DENND1A: variants seen among roughly 807,000 people sequenced by gnomAD.
The protein encoded by DENND1A is DENN domain-containing protein 1A.
DENND1A carries 51 observed loss-of-function variants against 113.7 expected under a neutral mutation model. The ratio of observed to expected loss-of-function variants is 0.45; its 90% CI spans 0.36 to 0.57. The LOEUF is 0.57. Ranked by LOEUF, DENND1A falls within the 20% of genes least tolerant of loss-of-function variation. DENND1A has a pLI of 0.00. For missense variants in DENND1A, 1,258 were observed against 1,395.9 expected (o/e 0.90, Z 1.57); for synonymous variants, 565 against 570.8 (o/e 0.99, Z 0.14).
At chr9:123,416,960 T>C (rs2044777900) in intron 19 of DENND1A, among the ~76,000 whole-genome samples, 1 of 152,234 alleles carries the variant, frequency 6.6e-6, no homozygotes, top group East Asian at 1.9e-4. Flanking sequence ...GAAAGAAATA[T>C]TGGTGGGGTA....
At chr9:123,549,092 T>C (rs74908226) in intron 13 of DENND1A, among the ~76,000 whole-genome samples, 1 of 152,216 alleles carries the variant, frequency 6.6e-6, no homozygotes, top group African/African-American at 2.4e-5. Context: ...ACATTTTTTT[T>C]CCTTAAAGCA....
chr9:123,702,799 G>A (rs1366933695), intron 5 of DENND1A, among the ~76,000 whole-genome samples: 2 of 152,132 alleles, frequency 1.3e-5, no homozygotes, highest in African/African-American at 2.4e-5. Flanking sequence ...TGTCTTACAA[G>A]CAGTGCCAAA....
chr9:123,623,300 T>C lies in DENND1A; in HGVS notation c.719+7076A>G, dbSNP rs539475597. 1.4e-4 allele frequency among the ~76,000 whole-genome samples: 21 copies of C among 152,302 alleles called. No homozygotes were observed. The East Asian group carries it at 4.1e-3, about 29-fold the overall frequency. On this transcript the variant is annotated intron_variant, in intron 10 of 23. Transcript: ENST00000394215. ...CCATGTCCCATGTTTATAATAATGGTGAAAAAAGCAATCATCATTTACTAA... is the reference window on the plus strand; with the variant it reads ...CCATGTCCCATGTTTATAATAATGGCGAAAAAAGCAATCATCATTTACTAA...
chr9:123,447,904 G>A (rs191304971), intron 18 of DENND1A, among the ~76,000 whole-genome samples: 10 of 152,272 alleles, frequency 6.6e-5, no homozygotes, highest in Non-Finnish European at 1.3e-4. Flanking sequence ...CCCAAGTCCC[G>A]TAGATGCGAA....
At chr9:123,926,803 A>G (rs1050929722) in intron 1 of DENND1A, among the ~76,000 whole-genome samples, 1 of 152,152 alleles carries the variant, frequency 6.6e-6, no homozygotes, top group Admixed American at 6.5e-5. Context: ...TGAGTCTGAC[A>G]CAGGGAACTC....
intron 2 of DENND1A, among the ~76,000 whole-genome samples, chr9:123,797,404 TC>T (rs1163744078): frequency 6.6e-6 from 1 of 152,176 alleles, no homozygotes; most frequent in Non-Finnish European, 1.5e-5. Context: ...ATGCAGACTT[TC>T]AGAAAATAGT....
At chr9:123,407,918 G>A (rs976204243) in intron 20 of DENND1A, among the ~76,000 whole-genome samples, 2 of 152,224 alleles carry the variant, frequency 1.3e-5, no homozygotes, top group African/African-American at 4.8e-5. Context: ...ACGGCAGCCT[G>A]CCTTTCCCTG....
At chr9:123,700,819 T>C (rs181685581) in intron 5 of DENND1A, among the ~76,000 whole-genome samples, 41 of 152,328 alleles carry the variant, frequency 2.7e-4, no homozygotes, top group Admixed American at 4.6e-4. Context: ...CTTGACAACA[T>C]GGAATCCTTG....
intron 19 of DENND1A, among the ~76,000 whole-genome samples, chr9:123,430,663 G>T (rs1436979112): frequency 6.6e-6 from 1 of 152,174 alleles, no homozygotes; most frequent in African/African-American, 2.4e-5. Flanking sequence ...ACATACTGGA[G>T]CCTGTCAGTG....
rs1236622119 is a variant in DENND1A, at chr9:123,381,585, C to T, written c.3060G>A (p.Glu1020=). 1.2e-6 allele frequency: 2 copies of T among 1,613,538 alleles called. No individual in the cohort carries two copies. Among genetic ancestry groups the T allele is most frequent in the Admixed American group, 1.7e-5 (1 of 60,020 alleles). The change falls in exon 24 of 24, where the codon GAG becomes GAA. Residue 1020 remains glutamate (E), a synonymous_variant. Coordinates refer to ENST00000394215, the MANE Select transcript of DENND1A (RefSeq NM_001352964.2). This position sits in a 1 kb window ranked among gnomAD's most constrained non-coding sequence, Gnocchi z 4.7. Reference sequence around the variant, plus strand: ...GAGGAGCAGAGGGCTGCAGTGTTGGCTCCAGGCCTTGAGGGGGCCTGGGAG... The same window carrying T: ...GAGGAGCAGAGGGCTGCAGTGTTGGTTCCAGGCCTTGAGGGGGCCTGGGAG... ...LLPPRPPQGL[E]PTLQPSAPQQ... is the part of the protein sequence containing the mutation.
At chr9:123,539,679 C>T (rs1049802386) in intron 13 of DENND1A, among the ~76,000 whole-genome samples, 4 of 151,816 alleles carry the variant, frequency 2.6e-5, no homozygotes, top group South Asian at 2.1e-4. Context: ...GTCAGGAGAG[C>T]GAGACCATCC....
At chr9:123,775,550 AG>A (rs752510374) in intron 3 of DENND1A, among the ~76,000 whole-genome samples, 36 of 152,212 alleles carry the variant, frequency 2.4e-4, no homozygotes, top group Non-Finnish European at 4.9e-4. Context: ...GAGCACTGAT[AG>A]AAATACTATT....
chr9:123,877,056 G>A (rs1303000111), intron 2 of DENND1A, among the ~76,000 whole-genome samples: 1 of 152,084 alleles, frequency 6.6e-6, no homozygotes, highest in Non-Finnish European at 1.5e-5. Context: ...GGGTGGGAGG[G>A]GCTGAGGGAT....
At chr9:123,457,165 A>G (rs1299000754) in intron 15 of DENND1A, among the ~76,000 whole-genome samples, 183 bp downstream of exon 15, 4 of 152,214 alleles carry the variant, frequency 2.6e-5, no homozygotes, top group African/African-American at 9.6e-5. Flanking sequence ...GCGACTTCAT[A>G]TGGGCCAGGG....
chr9:123,440,523 C>G (rs754390085), intron 18 of DENND1A, 32 bp from the exon 19 acceptor site: 14 of 1,527,838 alleles, frequency 9.2e-6, no homozygotes, highest in Non-Finnish European at 1.2e-5. Context: ...GCGGTTGGCA[C>G]TGGGGTTCTG....
chr9:123,765,945 C>CCA (rs1828731232), intron 4 of DENND1A, among the ~76,000 whole-genome samples: 1 of 152,184 alleles, frequency 6.6e-6, no homozygotes, highest in Non-Finnish European at 1.5e-5. Context: ...CAAGTCATTT[C>CCA]ACCTCTGTGG....
chr9:123,673,497 T>C (rs900205759), intron 6 of DENND1A, among the ~76,000 whole-genome samples: 4 of 152,236 alleles, frequency 2.6e-5, no homozygotes, highest in African/African-American at 7.2e-5. Flanking sequence ...CATCTTATAC[T>C]TTCCCTGCCT....
intron 1 of DENND1A, among the ~76,000 whole-genome samples, chr9:123,885,969 G>A (rs367602286): frequency 6.6e-6 from 1 of 151,944 alleles, no homozygotes; most frequent in South Asian, 2.1e-4. Context: ...GGAGAGATGG[G>A]GTTTCACCAT....
chr9:123,477,481 C>T (rs1355855904), intron 13 of DENND1A, among the ~76,000 whole-genome samples: 2 of 151,458 alleles, frequency 1.3e-5, no homozygotes, highest in African/African-American at 4.9e-5. Flanking sequence ...CACTTGAGCC[C>T]GTGAGGTTAA....
Sources: allele counts gnomAD v4.1 joint callset (sites outside exome capture counted in the v4.1 genomes callset), GRCh38; gene constraint gnomAD v4.1.1; non-coding constraint Gnocchi (gnomAD v3.1); transcripts MANE v1.5; gene names NCBI Gene and HGNC (gene_info 2026-07-23, HGNC 2026-07-21).